The following GALNT18 variants were observed in gnomAD, a reference collection of about 807,000 sequenced individuals.
GALNT18 encodes the protein polypeptide N-acetylgalactosaminyltransferase 18.
A neutral mutation model predicts 69.5 loss-of-function variants in GALNT18; 44 were observed. The ratio of observed to expected loss-of-function variants is 0.63; its 90% CI spans 0.50 to 0.81. The LOEUF is 0.81. Among genes scored for constraint, GALNT18 ranks in the 40% least tolerant of loss-of-function variants. The pLI is 0.00. For synonymous variants in GALNT18, 364 were observed against 318.2 expected (o/e 1.14, Z -1.53); for missense variants, 715 against 810.0 (o/e 0.88, Z 1.42).
intron 10 of GALNT18, among the ~76,000 whole-genome samples, chr11:11,271,802 C>G (rs1233465953): frequency 6.6e-6 from 1 of 152,210 alleles, no homozygotes; most frequent in African/African-American, 2.4e-5. Context: ...CCCCCTAAGT[C>G]CTGACATGCA....
chr11:11,493,297 T>A (rs1419938664), intron 1 of GALNT18, among the ~76,000 whole-genome samples: 1 of 146,978 alleles, frequency 6.8e-6, no homozygotes, highest in African/African-American at 2.5e-5. Context: ...AAAAAAAAAT[T>A]TCTTGGACCT....
chr11:11,477,871 C>T (rs1360059949), intron 1 of GALNT18, among the ~76,000 whole-genome samples: 1 of 152,100 alleles, frequency 6.6e-6, no homozygotes, highest in Non-Finnish European at 1.5e-5. Context: ...CCAGATGTAC[C>T]AAGTCAGAGC....
rs1440776188 is a variant in GALNT18, at chr11:11,356,791, C to T, written c.1092+15724G>A. The stretch of plus-strand genomic sequence containing the variant: ...TCCTGAGTAAAATTGTTCTTGGGCA[C>T]TCTCCTTCTGCTCCCCACCATTTCT... On this transcript the variant is annotated intron_variant, in intron 6 of 10. Transcript: ENST00000227756. This position sits in a 1 kb window ranked among gnomAD's most constrained non-coding sequence, Gnocchi z 4.4. Among the ~76,000 whole-genome samples, 5 of 152,200 alleles carry T rather than the reference C, an allele frequency of 3.3e-5. No homozygotes were observed.
chr11:11,485,315 T>C (rs2133876053), intron 1 of GALNT18, among the ~76,000 whole-genome samples: 1 of 152,310 alleles, frequency 6.6e-6, no homozygotes, highest in East Asian at 1.9e-4. Flanking sequence ...ACCTATCCTT[T>C]TGATGACCCA....
chr11:11,400,133 T>C (rs1329531178), intron 3 of GALNT18, among the ~76,000 whole-genome samples: 1 of 152,128 alleles, frequency 6.6e-6, no homozygotes, highest in Non-Finnish European at 1.5e-5. Flanking sequence ...TCACTCACTA[T>C]GGAGGAAGCC....
chr11:11,348,942 C>A (rs529456954), intron 6 of GALNT18, among the ~76,000 whole-genome samples: 1 of 152,152 alleles, frequency 6.6e-6, no homozygotes, highest in Non-Finnish European at 1.5e-5. Context: ...CTTCCACCCC[C>A]CTTAAGAAGC....
intron 10 of GALNT18, among the ~76,000 whole-genome samples, chr11:11,287,668 A>G (rs1007748905): frequency 6.6e-6 from 1 of 152,224 alleles, no homozygotes; most frequent in African/African-American, 2.4e-5. Flanking sequence ...GTAGGTAGGT[A>G]GTTTTAGAAG....
chr11:11,470,274 AG>A lies in GALNT18; in HGVS notation c.236-21339del, dbSNP rs758230628. ...CTTCAGTCCTCAGGCCCTAAGGTTA[AG>A]ACCCAGGCACCAAGGGACATCCACA... On this transcript the variant is annotated intron_variant, in intron 1 of 10. Coordinates refer to ENST00000227756, the MANE Select transcript of GALNT18 (RefSeq NM_198516.3). The surrounding 1 kb of genome is among the most constrained non-coding windows in gnomAD (Gnocchi z 4.8). Among the ~76,000 whole-genome samples the A allele has an allele frequency of 6.6e-6, 1 of 152,222 alleles. No individual in the cohort carries two copies. The highest frequency in any genetic ancestry group is 1.5e-5 in the Non-Finnish European group (1 of 68,042).
intron 7 of GALNT18, among the ~76,000 whole-genome samples, chr11:11,336,349 G>C (rs919737927): frequency 6.6e-6 from 1 of 152,118 alleles, no homozygotes; most frequent in Admixed American, 6.6e-5. Context: ...TCACAGTTCC[G>C]AGGAGGCCTC....
chr11:11,434,454 C>G (rs533938088), intron 2 of GALNT18, among the ~76,000 whole-genome samples: 2 of 152,226 alleles, frequency 1.3e-5, no homozygotes, highest in South Asian at 4.2e-4. Context: ...CCTTATGGAG[C>G]TTATGCTTTG....
At chr11:11,411,503 T>C (rs1025383424) in intron 3 of GALNT18, among the ~76,000 whole-genome samples, 2 of 152,224 alleles carry the variant, frequency 1.3e-5, no homozygotes, top group Non-Finnish European at 2.9e-5. Flanking sequence ...CTGATTGAGA[T>C]GCTGATACAT....
chr11:11,578,896 A>G (rs1042656982), intron 1 of GALNT18, among the ~76,000 whole-genome samples: 4 of 152,222 alleles, frequency 2.6e-5, no homozygotes, highest in African/African-American at 9.6e-5. Flanking sequence ...GGAAAGGGCT[A>G]TGTCAGCAGC....
At chr11:11,499,305 C>A (rs1047721652) in intron 1 of GALNT18, among the ~76,000 whole-genome samples, 1 of 152,204 alleles carries the variant, frequency 6.6e-6, no homozygotes, top group Non-Finnish European at 1.5e-5. Context: ...GAGCCATCAG[C>A]GCTGACCAAA....
At chr11:11,502,139 G>C (rs1365348261) in intron 1 of GALNT18, among the ~76,000 whole-genome samples, 1 of 151,794 alleles carries the variant, frequency 6.6e-6, no homozygotes, top group Non-Finnish European at 1.5e-5. Context: ...GCCCACCTCT[G>C]AGCTCAGCTC....
chr11:11,467,758 G>A (rs891476826), intron 1 of GALNT18, among the ~76,000 whole-genome samples: 1 of 152,304 alleles, frequency 6.6e-6, no homozygotes, highest in Admixed American at 6.5e-5. Context: ...CTCTGGAGGT[G>A]GGGTTTGGGG....
At chr11:11,462,075 C>G (rs1856055629) in intron 1 of GALNT18, among the ~76,000 whole-genome samples, 1 of 152,170 alleles carries the variant, frequency 6.6e-6, no homozygotes, top group African/African-American at 2.4e-5. Flanking sequence ...AGTCAGATTA[C>G]AGATCGTGGG....
chr11:11,518,190 G>C (rs997966607), intron 1 of GALNT18, among the ~76,000 whole-genome samples: 8 of 152,226 alleles, frequency 5.3e-5, no homozygotes, highest in Non-Finnish European at 2.9e-5. Flanking sequence ...CCTCAGCTGA[G>C]TTCCCTCTCA....
chr11:11,354,564 A>G (rs1180252204), intron 6 of GALNT18, among the ~76,000 whole-genome samples: 1 of 152,238 alleles, frequency 6.6e-6, no homozygotes, highest in Non-Finnish European at 1.5e-5. Flanking sequence ...TGAGAATTAA[A>G]TGAAGTAATA....
At chr11:11,271,426 A>C in intron 10 of GALNT18, 136 bp from the exon 11 acceptor site, 2 of 821,532 alleles carry the variant, frequency 2.4e-6, no homozygotes, top group Admixed American at 2.3e-5. Context: ...ATTCCCATGA[A>C]ACTGCAGGCT....
Sources: allele counts gnomAD v4.1 joint callset (sites outside exome capture counted in the v4.1 genomes callset), GRCh38; gene constraint gnomAD v4.1.1; non-coding constraint Gnocchi (gnomAD v3.1); transcripts MANE v1.5; gene names NCBI Gene and HGNC (gene_info 2026-07-23, HGNC 2026-07-21).